Variants in FAT4 observed in about 807,000 individuals in gnomAD.
The protein encoded by FAT4 is protocadherin Fat 4.
FAT4 carries 84 observed loss-of-function variants against 303.9 expected under a neutral mutation model. The ratio of observed to expected loss-of-function variants is 0.28; its 90% CI spans 0.23 to 0.33. FAT4 has a LOEUF of 0.33. Ranked by LOEUF, FAT4 falls within the 10% of genes least tolerant of loss-of-function variation. FAT4 has a pLI of 1.00. For synonymous variants in FAT4, 2,307 were observed against 2,298.8 expected (o/e 1.00, Z -0.10); for missense variants, 6,005 against 6,146.8 (o/e 0.98, Z 0.77).
chr4:125,457,741 CAAAAT>C (rs1726334993), intron 10 of FAT4, among the ~76,000 whole-genome samples: 1 of 151,830 alleles, frequency 6.6e-6, no homozygotes, highest in Non-Finnish European at 1.5e-5. Flanking sequence ...TAAATTTTCA[CAAAAT>C]GTAATGACAC....
At position 125,487,499 on chromosome 4, in the gene FAT4, A is replaced by G. The variant is rs1727449482; in HGVS notation, c.12977A>G (p.Tyr4326Cys). 10 of 1,614,112 alleles carry G rather than the reference A, an allele frequency of 6.2e-6. No homozygotes were observed. Among genetic ancestry groups the G allele is most frequent in the Non-Finnish European group, 7.6e-6 (9 of 1,179,974 alleles). Residue 4326 changes from tyrosine (Y) to cysteine (C), a missense_variant, in exon 17 of 18, where the codon TAT becomes TGT. Transcript: ENST00000394329. ...TATVLSVDRI[Y>C]NRDIIHPTQD... is the part of the protein sequence containing the mutation. ...ACAGTATTGTCTGTTGACAGAATAT[A>G]TAACAGAGATATTATCCACCCTACT...
intron 10 of FAT4, among the ~76,000 whole-genome samples, chr4:125,456,986 T>C (rs1472190420): frequency 6.6e-6 from 1 of 152,172 alleles, no homozygotes; most frequent in Non-Finnish European, 1.5e-5. Context: ...TTTTTCATAC[T>C]CTACTTTTGT....
At chr4:125,454,195 T>C (rs1271799430) in intron 10 of FAT4, among the ~76,000 whole-genome samples, 4 of 152,230 alleles carry the variant, frequency 2.6e-5, no homozygotes, top group Non-Finnish European at 5.9e-5. Context: ...TTTAAGCAAA[T>C]GCATTTCTAT....
intron 2 of FAT4, among the ~76,000 whole-genome samples, chr4:125,348,784 G>A (rs1732104039): frequency 6.6e-6 from 1 of 151,632 alleles, no homozygotes; most frequent in Non-Finnish European, 1.5e-5. Flanking sequence ...TCCTAAAAGG[G>A]TGTGCTGAGT....
chr4:125,421,854 G>T (rs561886087), intron 7 of FAT4, among the ~76,000 whole-genome samples: 1 of 152,104 alleles, frequency 6.6e-6, no homozygotes, highest in South Asian at 2.1e-4. Flanking sequence ...ATAATATTTA[G>T]AATTTCTGCC....
At chr4:125,414,553 A>C (rs183033719) in intron 5 of FAT4, among the ~76,000 whole-genome samples, 2 of 152,216 alleles carry the variant, frequency 1.3e-5, no homozygotes, top group Non-Finnish European at 2.9e-5. Flanking sequence ...CAGCCTCCCT[A>C]AATTACTAAA....
At position 125,487,376 on chromosome 4, in the gene FAT4, A is replaced by G; in HGVS notation, c.12854A>G (p.Asp4285Gly). ...AATGGCAAAGTATATTTTACATCCG[A>G]TGCAGGAATTGCTGGGAAAGTGGAG... is the stretch of plus-strand genomic sequence containing the variant. ...IKNGKVYFTS[D>G]AGIAGKVERN... Residue 4285 changes from aspartate to glycine, a missense_variant, in exon 17 of 18, where the codon GAT becomes GGT. Asp to Gly is a moderately conservative substitution (Grantham distance 94). Coordinates refer to ENST00000394329, the MANE Select transcript of FAT4 (RefSeq NM_001291303.3). 6.2e-7 allele frequency: 1 copy of G among 1,613,806 alleles called. No individual in the cohort carries two copies. The highest frequency in any genetic ancestry group is 1.6e-4 in the Middle Eastern group (1 of 6,062).
At chr4:125,380,149 T>TC (rs772586484) in intron 2 of FAT4, among the ~76,000 whole-genome samples, 12 of 152,132 alleles carry the variant, frequency 7.9e-5, no homozygotes, top group Admixed American at 1.3e-4. Context: ...TGCCTCGGCC[T>TC]CCCAAAGTGC....
chr4:125,452,219 C>T lies in FAT4; in HGVS notation c.11209C>T (p.Arg3737Cys), dbSNP rs747382793. 13 of 1,614,100 alleles carry T rather than the reference C, an allele frequency of 8.1e-6. No homozygotes were observed. The highest frequency in any genetic ancestry group is 1.6e-4 in the Middle Eastern group (1 of 6,084). The change falls in exon 10 of 18, where the codon CGC (arginine) becomes TGC (cysteine). Residue 3737 changes from arginine (R) to cysteine (C), a missense_variant. Coordinates refer to ENST00000394329, the MANE Select transcript of FAT4 (RefSeq NM_001291303.3). ...GACCAACCACTATCTTCATTTTTTA[C>T]GCATTGCCAGCTCACAGCTGACAGG... ...FLTNHYLHFL[R>C]IASSQLTGLG... is the part of the protein sequence containing the mutation.
At position 125,435,409 on chromosome 4, in the gene FAT4, A is replaced by C. The variant is rs1725417984; in HGVS notation, c.7199+984A>C. On this transcript the variant is annotated intron_variant, in intron 8 of 17. Coordinates refer to ENST00000394329, the MANE Select transcript of FAT4 (RefSeq NM_001291303.3). ...TAGATGGCTATGAAAGTAATGGAGCAGAAGATAAAATTTGAGACATTAAGA... is the reference window on the plus strand; with the variant it reads ...TAGATGGCTATGAAAGTAATGGAGCCGAAGATAAAATTTGAGACATTAAGA... Among the ~76,000 whole-genome samples the C allele has an allele frequency of 3.9e-5, 6 of 152,364 alleles. No individual in the cohort carries two copies. In the South Asian group the frequency reaches 1.0e-3, roughly 26 times the overall value.
chr4:125,407,036 T>A lies in FAT4; in HGVS notation c.5464T>A (p.Ser1822Thr), dbSNP rs143100468. 12 of 1,613,712 alleles carry A rather than the reference T, an allele frequency of 7.4e-6. No homozygotes were observed. Among genetic ancestry groups the A allele is most frequent in the Non-Finnish European group, 1.0e-5 (12 of 1,179,878 alleles). ...AGTTCGTGCTGATGATGGTCTTCAGTCCTCGGATATGAGAATTAATATCAC... is the reference window on the plus strand; with the variant it reads ...AGTTCGTGCTGATGATGGTCTTCAGACCTCGGATATGAGAATTAATATCAC... Reference protein sequence around the residue: ...LLVRADDGLQSSDMRINITVS... With the variant: ...LLVRADDGLQTSDMRINITVS... The change falls in exon 4 of 18, where the codon TCC becomes ACC. Residue 1822 changes from serine to threonine, a missense_variant. Ser to Thr is a moderately conservative substitution (Grantham distance 58). Coordinates refer to ENST00000394329, the MANE Select transcript of FAT4 (RefSeq NM_001291303.3).
Position 125,491,001 on chromosome 4 carries a change from G to A in FAT4, c.14185G>A (p.Asp4729Asn). 3.7e-6 allele frequency: 6 copies of A among 1,614,182 alleles called. No homozygotes were observed. The highest frequency in any genetic ancestry group is 5.1e-6 in the Non-Finnish European group (6 of 1,180,026). The part of the protein sequence containing the change: ...PARELHLPIR[D>N]GNTLEMHGDT... The stretch of plus-strand genomic sequence containing the variant: ...AAGGGAATTGCATCTTCCTATAAGG[G>A]ATGGTAATACTTTGGAAATGCATGG... Residue 4729 changes from aspartate to asparagine, a missense_variant, in exon 18 of 18, where the codon GAT (aspartate) becomes AAT (asparagine). Transcript: ENST00000394329.
chr4:125,445,510 G>A (rs1430227199), intron 8 of FAT4, among the ~76,000 whole-genome samples: 7 of 151,926 alleles, frequency 4.6e-5, no homozygotes, highest in South Asian at 2.1e-4. Flanking sequence ...TAAAAATTAC[G>A]GACCATAGCC....
chr4:125,462,706 T>C (rs1157810087), intron 10 of FAT4, among the ~76,000 whole-genome samples: 1 of 152,036 alleles, frequency 6.6e-6, no homozygotes, highest in Non-Finnish European at 1.5e-5. Flanking sequence ...TGTCATAGTT[T>C]TACAGTTTCA....
intron 2 of FAT4, among the ~76,000 whole-genome samples, chr4:125,369,764 C>T (rs1733033861): frequency 6.6e-6 from 1 of 152,154 alleles, no homozygotes; most frequent in South Asian, 2.1e-4. Context: ...CCATTAAACA[C>T]TAACTTTCCA....
chr4:125,376,194 A>G (rs1442818526), intron 2 of FAT4, among the ~76,000 whole-genome samples: 1 of 152,236 alleles, frequency 6.6e-6, no homozygotes, highest in African/African-American at 2.4e-5. Flanking sequence ...TACCAAGTTT[A>G]TATTTTTACA....
At chr4:125,466,328 A>G (rs1454450025) in intron 11 of FAT4, among the ~76,000 whole-genome samples, 1 of 152,038 alleles carries the variant, frequency 6.6e-6, no homozygotes, top group African/African-American at 2.4e-5. Flanking sequence ...TTAAAATGTA[A>G]GTATCTATAT....
At chr4:125,360,933 ATT>A (rs1270104995) in intron 2 of FAT4, among the ~76,000 whole-genome samples, 34 of 93,036 alleles carry the variant, frequency 3.7e-4, no homozygotes, top group African/African-American at 1.1e-3. Flanking sequence ...TTATTTATTT[ATT>A]TTATTATTTT....
chr4:125,414,561 A>G (rs1734964842), intron 5 of FAT4, among the ~76,000 whole-genome samples: 1 of 152,138 alleles, frequency 6.6e-6, no homozygotes, highest in African/African-American at 2.4e-5. Flanking sequence ...CTAAATTACT[A>G]AAGTTACAAA....
Sources: allele counts gnomAD v4.1 joint callset (sites outside exome capture counted in the v4.1 genomes callset), GRCh38; gene constraint gnomAD v4.1.1; transcripts MANE v1.5; gene names NCBI Gene and HGNC (gene_info 2026-07-23, HGNC 2026-07-21).